Variants in CHMP3 observed in about 807,000 individuals in gnomAD.
The protein encoded by CHMP3 is charged multivesicular body protein 3, also known as 25.1 protein.
A neutral mutation model predicts 27.4 loss-of-function variants in CHMP3; 8 were observed. The ratio of observed to expected loss-of-function variants is 0.29; its 90% CI spans 0.17 to 0.53. CHMP3 has a LOEUF of 0.53. Among genes scored for constraint, CHMP3 ranks in the 20% least tolerant of loss-of-function variants. CHMP3 has a pLI of 0.96. For synonymous variants in CHMP3, 86 were observed against 85.5 expected (o/e 1.01, Z -0.03); for missense variants, 208 against 271.5 (o/e 0.77, Z 1.64).
chr2:86,508,189 C>G (rs1306717514), intron 4 of CHMP3, among the ~76,000 whole-genome samples: 1 of 152,164 alleles, frequency 6.6e-6, no homozygotes, highest in Admixed American at 6.5e-5. Context: ...CTTCTGGACT[C>G]AACAAGGTAA....
chr2:86,512,870 A>G (rs1675156889), intron 3 of CHMP3, among the ~76,000 whole-genome samples: 2 of 152,248 alleles, frequency 1.3e-5, no homozygotes, highest in Admixed American at 1.3e-4. Context: ...GACCACTGAC[A>G]ATACCAAATG....
rs558007571 is a variant in CHMP3 at position 86,557,287 on chromosome 2, C to T, written c.45+6017G>A. Among the ~76,000 whole-genome samples the T allele has an allele frequency of 2.0e-5, 3 of 152,306 alleles. No homozygotes were observed. In the East Asian group the frequency reaches 5.8e-4, roughly 29 times the overall value. ...ACCTAAGAATCATCTTTGCACTCAT[C>T]CCACATGCAGTAGTTCAGCAAATTC... On this transcript the variant is annotated intron_variant, in intron 1 of 5. Transcript: ENST00000263856.
chr2:86,556,619 G>A (rs1384592833), intron 1 of CHMP3, among the ~76,000 whole-genome samples: 7 of 151,672 alleles, frequency 4.6e-5, no homozygotes, highest in Non-Finnish European at 5.9e-5. Flanking sequence ...CTTAGGCCTC[G>A]GAACCTGGCC....
chr2:86,538,322 G>C (rs867534206), intron 2 of CHMP3, among the ~76,000 whole-genome samples: 1 of 152,146 alleles, frequency 6.6e-6, no homozygotes. Flanking sequence ...GTATGGATGA[G>C]GAAACAGATC....
At chr2:86,555,516 T>A (rs55920386) in intron 1 of CHMP3, among the ~76,000 whole-genome samples, 67,323 of 146,968 alleles carry the variant, frequency 0.46, 16,975 homozygotes, top group East Asian at 0.71. Context: ...AAAAAATAAA[T>A]AAATAAATAA....
intron 1 of CHMP3, among the ~76,000 whole-genome samples, chr2:86,559,941 A>G (rs1398454458): frequency 6.6e-6 from 1 of 152,196 alleles, no homozygotes; most frequent in African/African-American, 2.4e-5. Flanking sequence ...TTACATTGCT[A>G]TAAAGAAATA....
At chr2:86,514,813 T>G (rs947257123) in intron 3 of CHMP3, among the ~76,000 whole-genome samples, 3 of 152,216 alleles carry the variant, frequency 2.0e-5, no homozygotes, top group African/African-American at 7.2e-5. Context: ...ATTAAAATGT[T>G]AATTAAAATG....
intron 2 of CHMP3, among the ~76,000 whole-genome samples, chr2:86,530,313 A>G (rs1298703796): frequency 6.6e-6 from 1 of 152,110 alleles, no homozygotes; most frequent in African/African-American, 2.4e-5. Flanking sequence ...CATCTTTCCC[A>G]AAACTAAAAT....
chr2:86,524,086 A>G (rs1430912790), intron 3 of CHMP3, among the ~76,000 whole-genome samples: 3 of 152,188 alleles, frequency 2.0e-5, no homozygotes, highest in Admixed American at 6.6e-5. Flanking sequence ...GCTTATGAGG[A>G]AGGTACTAAC....
intron 3 of CHMP3, among the ~76,000 whole-genome samples, chr2:86,512,891 T>C (rs1401970842): frequency 6.6e-6 from 1 of 152,224 alleles, no homozygotes; most frequent in Non-Finnish European, 1.5e-5. Context: ...CTGGCGAGAA[T>C]GTGCAGCAAC....
At chr2:86,541,762 T>C (rs1294503045) in intron 2 of CHMP3, among the ~76,000 whole-genome samples, 2 of 152,170 alleles carry the variant, frequency 1.3e-5, no homozygotes, top group Non-Finnish European at 2.9e-5. Context: ...CCAATTCTTT[T>C]TAAAGAAAGT....
chr2:86,541,688 T>G (rs1676367355), intron 2 of CHMP3, among the ~76,000 whole-genome samples: 1 of 152,200 alleles, frequency 6.6e-6, no homozygotes, highest in Non-Finnish European at 1.5e-5. Context: ...AAATTTTTAT[T>G]TACGATGAGA....
chr2:86,519,511 C>T lies in CHMP3; in HGVS notation c.287-9032G>A, dbSNP rs955036330. Among the ~76,000 whole-genome samples the T allele has an allele frequency of 2.6e-5, 4 of 152,220 alleles. No homozygotes were observed. The South Asian group carries it at 8.3e-4, about 32-fold the overall frequency. On this transcript the variant is annotated intron_variant, in intron 3 of 5. Transcript: ENST00000263856. ...CTTTAAAATTCTAGAGGGAAGACTG[C>T]CTCATGTCACTCTCACTTAATGCCA...
chr2:86,513,922 G>A (rs781126193), intron 3 of CHMP3, among the ~76,000 whole-genome samples: 1 of 152,172 alleles, frequency 6.6e-6, no homozygotes, highest in Non-Finnish European at 1.5e-5. Flanking sequence ...CCCCAGCTCC[G>A]CCATTTCCTC....
chr2:86,547,551 T>C (rs188150805), intron 1 of CHMP3, among the ~76,000 whole-genome samples: 13 of 152,294 alleles, frequency 8.5e-5, no homozygotes, highest in African/African-American at 2.9e-4. Context: ...ACTTTAAAAA[T>C]ACTAATTTAA....
At chr2:86,553,395 A>C (rs981586001) in intron 1 of CHMP3, among the ~76,000 whole-genome samples, 1 of 152,136 alleles carries the variant, frequency 6.6e-6, no homozygotes, top group Non-Finnish European at 1.5e-5. Context: ...GCAGTGGCAC[A>C]ATCTAGGCTC....
intron 1 of CHMP3, among the ~76,000 whole-genome samples, chr2:86,553,873 A>G (rs1249344230): frequency 6.6e-6 from 1 of 152,240 alleles, no homozygotes; most frequent in Non-Finnish European, 1.5e-5. Flanking sequence ...GCTGAAAAAT[A>G]TATATCAAAT....
intron 1 of CHMP3, among the ~76,000 whole-genome samples, chr2:86,551,107 C>T (rs1211039810): frequency 6.6e-6 from 1 of 152,110 alleles, no homozygotes; most frequent in East Asian, 1.9e-4. Context: ...CTTAAGTGTC[C>T]TGGCAATTGG....
At chr2:86,525,545 A>AG (rs1675670283) in intron 3 of CHMP3, among the ~76,000 whole-genome samples, 1 of 152,060 alleles carries the variant, frequency 6.6e-6, no homozygotes, top group Admixed American at 6.5e-5. Flanking sequence ...AAAAAAAAAA[A>AG]AAAACTACTT....
Sources: allele counts gnomAD v4.1 joint callset (sites outside exome capture counted in the v4.1 genomes callset), GRCh38; gene constraint gnomAD v4.1.1; transcripts MANE v1.5; gene names NCBI Gene and HGNC (gene_info 2026-07-23, HGNC 2026-07-21).